The following PCBP3 variants were observed in gnomAD, a reference collection of about 807,000 sequenced individuals.
PCBP3 encodes poly(rC)-binding protein 3.
In PCBP3, 25 loss-of-function variants were observed where a neutral mutation model predicts 52.7. The observed-to-expected ratio is 0.47, with a 90% CI of 0.35 to 0.66. The LOEUF is 0.66. Ranked by LOEUF, PCBP3 falls within the 30% of genes least tolerant of loss-of-function variation. The pLI, the probability that PCBP3 is intolerant of heterozygous loss-of-function variation, is 0.01. For missense variants in PCBP3, 391 were observed against 490.3 expected, an observed-to-expected ratio of 0.80 and a Z score of 1.91; for synonymous variants, 162 against 183.0, an observed-to-expected ratio of 0.89 and a Z score of 0.93.
intron 2 of PCBP3, among the ~76,000 whole-genome samples, chr21:45,669,815 A>ATATG (rs2081055366): frequency 3.2e-5 from 3 of 93,764 alleles, no homozygotes; most frequent in Non-Finnish European, 6.7e-5. Flanking sequence ...GTATATATAT[A>ATATG]TATATATATA....
At chr21:45,923,878 G>C (rs1487296053) in intron 13 of PCBP3, among the ~76,000 whole-genome samples, 1 of 96,844 alleles carries the variant, frequency 1.0e-5, no homozygotes, top group Non-Finnish European at 2.2e-5. Context: ...CGTAAGATCG[G>C]GTGTGCACGA....
chr21:45,666,858 A>G (rs2080831564), intron 1 of PCBP3, among the ~76,000 whole-genome samples: 1 of 149,230 alleles, frequency 6.7e-6, no homozygotes, highest in East Asian at 2.0e-4. Context: ...TTAATGAGTT[A>G]CTCTCTTGCT....
chr21:45,890,003 A>AGTAAGGAGTGCT (rs1176330323), intron 5 of PCBP3, among the ~76,000 whole-genome samples: 1 of 152,260 alleles, frequency 6.6e-6, no homozygotes, highest in African/African-American at 2.4e-5. Flanking sequence ...AGTAGCCCTC[A>AGTAAGGAGTGCT]GTAAGGAGTG....
At chr21:45,818,822 C>T (rs1454645646) in intron 4 of PCBP3, among the ~76,000 whole-genome samples, 1 of 152,174 alleles carries the variant, frequency 6.6e-6, no homozygotes, top group Non-Finnish European at 1.5e-5. Flanking sequence ...GAATATGATT[C>T]AGCACTACAA....
intron 4 of PCBP3, among the ~76,000 whole-genome samples, chr21:45,764,981 G>T (rs541470487): frequency 5.3e-5 from 8 of 152,358 alleles, no homozygotes; most frequent in African/African-American, 1.9e-4. Context: ...CCCCGGGTGG[G>T]CCATGGGGCC....
intron 2 of PCBP3, among the ~76,000 whole-genome samples, chr21:45,732,025 G>A (rs556123096): frequency 6.6e-6 from 1 of 151,970 alleles, no homozygotes; most frequent in East Asian, 1.9e-4. Flanking sequence ...TTTTCCTTTT[G>A]TGTTTTGTAC....
chr21:45,726,359 C>T (rs1363990234), intron 2 of PCBP3, among the ~76,000 whole-genome samples: 2 of 152,010 alleles, frequency 1.3e-5, no homozygotes, highest in African/African-American at 4.8e-5. Context: ...TGGGTGGGCT[C>T]ATCTAGGGGA....
intron 1 of PCBP3, among the ~76,000 whole-genome samples, chr21:45,662,284 T>A (rs1420119962): frequency 7.5e-5 from 5 of 67,114 alleles, no homozygotes; most frequent in Non-Finnish European, 1.6e-4. Flanking sequence ...TTTTTTTTTT[T>A]TTTTTTTTTT....
At chr21:45,748,554 G>A (rs2087119198) in intron 3 of PCBP3, among the ~76,000 whole-genome samples, 1 of 152,208 alleles carries the variant, frequency 6.6e-6, no homozygotes, top group African/African-American at 2.4e-5. Flanking sequence ...TGAGTAAATG[G>A]GTTTGACTTT....
intron 4 of PCBP3, among the ~76,000 whole-genome samples, chr21:45,778,836 G>A (rs1297325299): frequency 6.6e-6 from 1 of 152,166 alleles, no homozygotes; most frequent in East Asian, 1.9e-4. Flanking sequence ...GCAGGGGTGG[G>A]TCGATCCTCA....
intron 6 of PCBP3, among the ~76,000 whole-genome samples, chr21:45,896,668 G>A (rs1310605483): frequency 3.1e-5 from 4 of 131,014 alleles, no homozygotes; most frequent in Non-Finnish European, 5.1e-5. Flanking sequence ...TGCACTGCCC[G>A]GGCCATTGGC....
chr21:45,905,205 A>G (rs2096169544), intron 9 of PCBP3, among the ~76,000 whole-genome samples: 1 of 152,134 alleles, frequency 6.6e-6, no homozygotes, highest in African/African-American at 2.4e-5. Context: ...TGGCTAAAGC[A>G]CTAGTTGGGC....
chr21:45,875,505 G>T (rs964550213), intron 5 of PCBP3, among the ~76,000 whole-genome samples: 4 of 152,226 alleles, frequency 2.6e-5, no homozygotes, highest in Admixed American at 6.5e-5. Flanking sequence ...TCTGCTACTG[G>T]GCTCCTGGGA....
chr21:45,790,829 T>C (rs539466122), intron 4 of PCBP3, among the ~76,000 whole-genome samples: 15 of 151,438 alleles, frequency 9.9e-5, no homozygotes, highest in Non-Finnish European at 2.1e-4. Flanking sequence ...AAAGCAAAAG[T>C]GGGGTGCTCT....
chr21:45,646,107 C>CTCTCTCTGTGTG (rs1555895746), intron 1 of PCBP3, among the ~76,000 whole-genome samples: 39 of 83,782 alleles, frequency 4.7e-4, no homozygotes, highest in Admixed American at 9.2e-4. Flanking sequence ...CTCTCTCTCT[C>CTCTCTCTGTGTG]TGTGTGTGTG....
At chr21:45,671,934 A>G (rs2019087930) in intron 2 of PCBP3, among the ~76,000 whole-genome samples, 1 of 152,134 alleles carries the variant, frequency 6.6e-6, no homozygotes, top group Admixed American at 6.5e-5. Context: ...GTTGTCCTCC[A>G]GGCCTCCTTT....
intron 13 of PCBP3, chr21:45,919,429 C>T (rs1274070763): frequency 1.3e-5 from 2 of 152,134 alleles, no homozygotes; most frequent in Non-Finnish European, 1.5e-5. Flanking sequence ...GAAGGCAGGT[C>T]AGGAGTGTTT....
intron 4 of PCBP3, among the ~76,000 whole-genome samples, chr21:45,813,177 G>A (rs145010226): frequency 7.0e-4 from 106 of 152,240 alleles, no homozygotes; most frequent in African/African-American, 2.3e-3. Context: ...CTATTGTCAC[G>A]CAGGTCTCTC....
intron 4 of PCBP3, among the ~76,000 whole-genome samples, chr21:45,804,215 T>A (rs2092415085): frequency 6.6e-6 from 1 of 152,238 alleles, no homozygotes; most frequent in South Asian, 2.1e-4. Flanking sequence ...GCACCGGGCT[T>A]TGTGCTGCAG....
Sources: gnomAD v4.1 joint callset for allele counts (sites outside exome capture counted in the v4.1 genomes callset) on GRCh38, gnomAD v4.1.1 for gene constraint, MANE v1.5 for transcripts, NCBI Gene and HGNC (gene_info 2026-07-23, HGNC 2026-07-21) for gene names.